Variants in LOXHD1 observed in about 807,000 individuals in gnomAD.
LOXHD1 encodes the protein lipoxygenase homology PLAT domains 1.
In LOXHD1, 205 loss-of-function variants were observed where a neutral mutation model predicts 248.2. The observed-to-expected ratio is 0.83, with a 90% CI of 0.74 to 0.93. The LOEUF is 0.93. LOXHD1 is among the 40% of genes least tolerant of loss of function. The probability of loss-of-function intolerance (pLI) is 0.00; values close to 1 mark genes in which losing one functional copy is unlikely to be tolerated. For missense variants in LOXHD1, 2,930 were observed against 2,971.6 expected (o/e 0.99, Z 0.33); for synonymous variants, 1,113 against 1,162.8 (o/e 0.96, Z 0.87).
At chr18:46,583,666 G>A (rs139185180) in intron 12 of LOXHD1, among the ~76,000 whole-genome samples, 134 of 152,056 alleles carry the variant, frequency 8.8e-4, no homozygotes, top group African/African-American at 3.1e-3. Flanking sequence ...AGTTAGAATG[G>A]CCATCATCAA....
chr18:46,612,632 TC>T (rs2038525238), intron 5 of LOXHD1, among the ~76,000 whole-genome samples: 3 of 152,264 alleles, frequency 2.0e-5, no homozygotes, highest in Non-Finnish European at 2.9e-5. Flanking sequence ...ATCAATATTT[TC>T]CTTTGTTGCT....
At chr18:46,587,459 T>C (rs2038083072) in intron 12 of LOXHD1, among the ~76,000 whole-genome samples, 1 of 152,244 alleles carries the variant, frequency 6.6e-6, no homozygotes, top group African/African-American at 2.4e-5. Flanking sequence ...CCTTTGGTTC[T>C]GAGCTCTGAG....
At chr18:46,497,098 C>T (rs1396634929) in intron 37 of LOXHD1, among the ~76,000 whole-genome samples, 2 of 152,164 alleles carry the variant, frequency 1.3e-5, no homozygotes. Context: ...GTTTCAGACC[C>T]AATGTCTGTT....
intron 4 of LOXHD1, among the ~76,000 whole-genome samples, chr18:46,632,124 A>C (rs931382282): frequency 1.3e-5 from 2 of 152,208 alleles, no homozygotes; most frequent in Non-Finnish European, 2.9e-5. Context: ...TGGGGATAAT[A>C]ATAGCCGCTA....
In LOXHD1 at chr18:46,639,660, C is replaced by T. The variant is rs2144376305; in HGVS notation, c.467G>A (p.Cys156Tyr). ...GTTGAAGCTGGCCAGCAGGTCACGGCACCACTGGCGGTCACCTTCCACCTT... is the reference window on the plus strand; with the variant it reads ...GTTGAAGCTGGCCAGCAGGTCACGGTACCACTGGCGGTCACCTTCCACCTT... ...LSKVEGDRQW[C>Y]RDLLASFNPM... The change falls in exon 4 of 41, where the codon TGC (cysteine) becomes TAC (tyrosine). Residue 156 changes from cysteine to tyrosine, a missense_variant. Coordinates refer to ENST00000642948, the MANE Select transcript of LOXHD1 (RefSeq NM_001384474.1). The T allele has an allele frequency of 1.3e-6, 2 of 1,551,758 alleles. No homozygotes were observed. Among genetic ancestry groups the T allele is most frequent in the Non-Finnish European group, 1.7e-6 (2 of 1,147,008 alleles).
At position 46,558,954 on chromosome 18, in the gene LOXHD1, T is replaced by A. The variant is rs1004395138; in HGVS notation, c.3216+494A>T. 3.6e-4 allele frequency: 145 copies of A among 405,292 alleles called. 1 individual carries two copies. In the Admixed American group the frequency reaches 3.9e-3, roughly 11 times the overall value. 25.1% of individuals were successfully genotyped at this position (405,292 alleles called of 1,614,324 possible). On this transcript the variant is annotated intron_variant, in intron 20 of 40. Coordinates refer to ENST00000642948, the MANE Select transcript of LOXHD1 (RefSeq NM_001384474.1). ...GGCTTAGCACCGACCACAGCTCAGC[T>A]GGAAGACACACTGTCCTAAACTGGC...
chr18:46,653,411 T>C (rs1457166329), intron 1 of LOXHD1, among the ~76,000 whole-genome samples: 2 of 152,248 alleles, frequency 1.3e-5, no homozygotes, highest in Non-Finnish European at 2.9e-5. Flanking sequence ...AAACGTACCT[T>C]CATAAGTTTT....
chr18:46,525,080 G>A (rs1169496764), intron 29 of LOXHD1, among the ~76,000 whole-genome samples, 163 bp from the exon 30 acceptor site: 1 of 152,194 alleles, frequency 6.6e-6, no homozygotes, highest in Non-Finnish European at 1.5e-5. Context: ...CGAGCCTGTG[G>A]GGTCCAAGGC....
intron 25 of LOXHD1, among the ~76,000 whole-genome samples, chr18:46,540,315 C>A (rs1024565122): frequency 6.6e-6 from 1 of 152,138 alleles, no homozygotes; most frequent in Non-Finnish European, 1.5e-5. Context: ...AAGAGACAGC[C>A]CAGGGAGGTG....
rs141393113 is a variant in LOXHD1, at chr18:46,594,007, G to A, written c.1271-247C>T. On this transcript the variant is annotated intron_variant, in intron 9 of 40. Transcript: ENST00000642948. ...ATTCGTATGTTTTAAATCGGGGAAC[G>A]AGTTGACTCCACCCACCCTATGTCC... is the stretch of plus-strand genomic sequence containing the variant. Among the ~76,000 whole-genome samples, 984 of 152,288 alleles carry A rather than the reference G, an allele frequency of 6.5e-3. 2 individuals carry two copies. The highest frequency in any genetic ancestry group is 9.5e-3 in the Non-Finnish European group (646 of 68,034).
intron 1 of LOXHD1, among the ~76,000 whole-genome samples, chr18:46,656,425 A>T (rs1218040959): frequency 6.6e-6 from 1 of 152,144 alleles, no homozygotes; most frequent in African/African-American, 2.4e-5. Flanking sequence ...GCCGCCTTCG[A>T]CATATGGGAT....
At chr18:46,589,734 T>G (rs2038130941) in intron 12 of LOXHD1, among the ~76,000 whole-genome samples, 1 of 152,102 alleles carries the variant, frequency 6.6e-6, no homozygotes, top group Admixed American at 6.6e-5. Flanking sequence ...CCCCCAAATT[T>G]ATATACTGAA....
chr18:46,484,005 G>A (rs915609792), intron 39 of LOXHD1, among the ~76,000 whole-genome samples: 1 of 152,120 alleles, frequency 6.6e-6, no homozygotes, highest in Non-Finnish European at 1.5e-5. Context: ...GAGATGGGGA[G>A]GGTGGTGAGA....
intron 5 of LOXHD1, among the ~76,000 whole-genome samples, chr18:46,613,181 C>G (rs1408886100): frequency 6.6e-6 from 1 of 152,020 alleles, no homozygotes; most frequent in Non-Finnish European, 1.5e-5. Flanking sequence ...ATAAAACAAC[C>G]TGGGAAAATT....
intron 4 of LOXHD1, among the ~76,000 whole-genome samples, chr18:46,628,838 A>G (rs923241481): frequency 6.6e-6 from 1 of 152,286 alleles, no homozygotes; most frequent in Non-Finnish European, 1.5e-5. Flanking sequence ...GTAGAAATTA[A>G]TGTTCTCCCC....
rs2038223394 is a variant in LOXHD1 at position 46,594,302 on chromosome 18, C to G, written c.1270+29G>C. The G allele has an allele frequency of 2.6e-6, 4 of 1,550,968 alleles. No homozygotes were observed. The African/African-American group carries it at 4.1e-5, about 16-fold the overall frequency. On this transcript the variant is annotated intron_variant, in intron 9 of 40. Transcript: ENST00000642948. ...GCCTCTGCTGACCCTGGCTGAGAGG[C>G]CTCCAGGTTCTGGGTCTCTCTCACT... is the stretch of plus-strand genomic sequence containing the variant.
Position 46,524,696 on chromosome 18 carries a change from C to A in LOXHD1, c.4740+12G>T, listed in dbSNP as rs1287525121. On this transcript the variant is annotated intron_variant, in intron 30 of 40. Coordinates refer to ENST00000642948, the MANE Select transcript of LOXHD1 (RefSeq NM_001384474.1). ...GAGGATGGCCACAGGCCCTATATACCCCTTGGCTCACCTTCTCGTAAAAGA... is the reference window on the plus strand; with the variant it reads ...GAGGATGGCCACAGGCCCTATATACACCTTGGCTCACCTTCTCGTAAAAGA... 3.2e-6 allele frequency: 5 copies of A among 1,551,724 alleles called. No homozygotes were observed. The highest frequency in any genetic ancestry group is 1.7e-4 in the Middle Eastern group (1 of 5,992).
chr18:46,623,809 A>T (rs1478420238), intron 4 of LOXHD1, among the ~76,000 whole-genome samples: 1 of 152,206 alleles, frequency 6.6e-6, no homozygotes, highest in Non-Finnish European at 1.5e-5. Flanking sequence ...GCAGTGACAG[A>T]ACACATCTCC....
At chr18:46,636,170 C>A (rs1329789343) in intron 4 of LOXHD1, among the ~76,000 whole-genome samples, 1 of 152,210 alleles carries the variant, frequency 6.6e-6, no homozygotes, top group Non-Finnish European at 1.5e-5. Context: ...CTACCTTCTA[C>A]CCAGTGGACC....
Sources: allele counts gnomAD v4.1 joint callset (sites outside exome capture counted in the v4.1 genomes callset), GRCh38; gene constraint gnomAD v4.1.1; transcripts MANE v1.5; gene names NCBI Gene and HGNC (gene_info 2026-07-23, HGNC 2026-07-21).